The following ANKS1A variants were observed in gnomAD, a reference collection of about 807,000 sequenced individuals.
ANKS1A encodes the protein ankyrin repeat and sterile alpha motif domain containing 1A.
Under a neutral mutation model 120.3 loss-of-function variants are expected in ANKS1A, and 55 were observed. That is an observed-to-expected ratio of 0.46 (90% CI 0.37 to 0.57). The LOEUF (loss-of-function observed/expected upper bound fraction) is 0.57, where lower values mean the gene tolerates loss of function less well. Among genes scored for constraint, ANKS1A ranks in the 20% least tolerant of loss-of-function variants. The pLI, the probability that ANKS1A is intolerant of heterozygous loss-of-function variation, is 0.00. For missense variants in ANKS1A, 1,123 were observed against 1,480.3 expected, an observed-to-expected ratio of 0.76 and a Z score of 3.96; for synonymous variants, 590 against 604.7, an observed-to-expected ratio of 0.98 and a Z score of 0.36.
chr6:35,046,660 G>A (rs753686533), intron 11 of ANKS1A, among the ~76,000 whole-genome samples: 2 of 152,092 alleles, frequency 1.3e-5, no homozygotes, highest in African/African-American at 2.4e-5. Context: ...GTTATTTTTT[G>A]ATGCATTTCA....
chr6:34,975,369 G>T (rs547362375), intron 3 of ANKS1A, among the ~76,000 whole-genome samples: 1 of 151,654 alleles, frequency 6.6e-6, no homozygotes, highest in South Asian at 2.1e-4. Flanking sequence ...CAGGAGAATC[G>T]CTTGAACCCA....
intron 11 of ANKS1A, among the ~76,000 whole-genome samples, chr6:35,048,279 A>AGG (rs1775811674): frequency 6.6e-6 from 1 of 152,230 alleles, no homozygotes; most frequent in Non-Finnish European, 1.5e-5. Context: ...GGATTGAAGT[A>AGG]GGGGGACACA....
intron 13 of ANKS1A, among the ~76,000 whole-genome samples, chr6:35,074,269 A>G (rs1777228269): frequency 6.6e-6 from 1 of 152,222 alleles, no homozygotes. Context: ...GGCTCAGCTC[A>G]GCCGTTCGCT....
intron 11 of ANKS1A, among the ~76,000 whole-genome samples, chr6:35,035,429 TTAAA>T (rs199693028): frequency 1.3e-5 from 2 of 152,344 alleles, no homozygotes; most frequent in East Asian, 3.8e-4. Context: ...TATTTATATC[TTAAA>T]TAAGAATAAG....
intron 1 of ANKS1A, among the ~76,000 whole-genome samples, chr6:34,966,157 A>G: frequency 6.6e-6 from 1 of 152,190 alleles, no homozygotes; most frequent in Admixed American, 6.5e-5. Context: ...AGAACTTTAA[A>G]TCAGTCTCAA....
intron 11 of ANKS1A, among the ~76,000 whole-genome samples, chr6:35,049,785 C>T (rs995904294): frequency 2.0e-5 from 3 of 152,198 alleles, no homozygotes; most frequent in Non-Finnish European, 2.9e-5. Flanking sequence ...ACATATTGAC[C>T]AGACTGATTC....
intron 11 of ANKS1A, among the ~76,000 whole-genome samples, chr6:35,042,237 C>G (rs979592902): frequency 6.6e-6 from 1 of 152,092 alleles, no homozygotes; most frequent in African/African-American, 2.4e-5. Flanking sequence ...AAGAGGATAT[C>G]GACACAGGAA....
intron 15 of ANKS1A, 76 bp downstream of exon 15, chr6:35,079,744 G>A (rs1257755898): frequency 1.2e-6 from 2 of 1,611,724 alleles, no homozygotes; most frequent in Admixed American, 1.7e-5. Flanking sequence ...TGGCCCAGCG[G>A]AAGATGCTGG....
chr6:34,988,386 G>A (rs1476685532), intron 8 of ANKS1A, among the ~76,000 whole-genome samples: 1 of 152,208 alleles, frequency 6.6e-6, no homozygotes, highest in Non-Finnish European at 1.5e-5. Flanking sequence ...CACAAGGTCA[G>A]GAGATCCAGA....
chr6:34,976,446 C>G (rs993409174), intron 3 of ANKS1A, among the ~76,000 whole-genome samples: 2 of 152,116 alleles, frequency 1.3e-5, no homozygotes, highest in Non-Finnish European at 2.9e-5. Context: ...CATTTTCCCC[C>G]TCTTAACAAT....
At position 35,091,074 on chromosome 6, in the gene ANKS1A, G is replaced by T; in HGVS notation, c.*2465G>T. On this transcript the variant is annotated 3_prime_UTR_variant, in exon 24 of 24. Transcript: ENST00000360359. Reference sequence around the variant, plus strand: ...GTCTGTCTTTGAGATGCCCAGGCCAGCAGAAAGCAGCTCAGAAGTATTGTT... The same window carrying T: ...GTCTGTCTTTGAGATGCCCAGGCCATCAGAAAGCAGCTCAGAAGTATTGTT... The T allele has an allele frequency of 1.0e-6, 1 of 985,940 alleles. No individual in the cohort carries two copies. The highest frequency in any genetic ancestry group is 1.2e-6 in the Non-Finnish European group (1 of 829,962). 61.1% of individuals were successfully genotyped at this position (985,940 alleles called of 1,614,324 possible).
At position 35,086,652 on chromosome 6, in the gene ANKS1A, C is replaced by T. The variant is rs1343356853; in HGVS notation, c.3304-300C>T. ...TTGCAAGCCCCATATCCCCTTCCTG[C>T]CCAGTGTGAGTGGGTCTGGGGCTTA... On this transcript the variant is annotated intron_variant, in intron 22 of 23. Coordinates refer to ENST00000360359, the MANE Select transcript of ANKS1A (RefSeq NM_015245.3). This position sits in a 1 kb window ranked among gnomAD's most constrained non-coding sequence, Gnocchi z 5.1. Among the ~76,000 whole-genome samples, 1 of 152,146 alleles carries T rather than the reference C, an allele frequency of 6.6e-6. No homozygotes were observed. The highest frequency in any genetic ancestry group is 2.4e-5 in the African/African-American group (1 of 41,422).
intron 1 of ANKS1A, among the ~76,000 whole-genome samples, chr6:34,954,661 T>A (rs1770257546): frequency 1.3e-5 from 2 of 152,180 alleles, no homozygotes; most frequent in South Asian, 4.1e-4. Context: ...CAGAACATGC[T>A]TAAACACAAA....
intron 1 of ANKS1A, among the ~76,000 whole-genome samples, chr6:34,896,234 G>A (rs1346474393): frequency 2.0e-5 from 3 of 151,680 alleles, no homozygotes; most frequent in African/African-American, 7.3e-5. Flanking sequence ...TGCACCTGGC[G>A]AATATTTGTA....
chr6:34,954,038 G>C (rs932111798), intron 1 of ANKS1A, among the ~76,000 whole-genome samples: 7 of 152,158 alleles, frequency 4.6e-5, no homozygotes, highest in Admixed American at 2.0e-4. Flanking sequence ...GAGATATAAG[G>C]CTTGTTAAAA....
intron 10 of ANKS1A, among the ~76,000 whole-genome samples, chr6:35,013,850 A>G (rs1211024269): frequency 6.6e-6 from 1 of 152,260 alleles, no homozygotes; most frequent in Non-Finnish European, 1.5e-5. Context: ...TCCTTGTGAC[A>G]GACCTGTGAG....
At chr6:35,029,817 C>T (rs923335476) in intron 11 of ANKS1A, among the ~76,000 whole-genome samples, 2 of 147,820 alleles carry the variant, frequency 1.4e-5, no homozygotes, top group African/African-American at 4.9e-5. Context: ...TATTTGATTA[C>T]AAATCTATTT....
intron 1 of ANKS1A, among the ~76,000 whole-genome samples, chr6:34,950,988 C>T (rs1770067670): frequency 6.6e-6 from 1 of 152,192 alleles, no homozygotes; most frequent in Non-Finnish European, 1.5e-5. Flanking sequence ...TAATATATGC[C>T]TCACCTCCAG....
chr6:35,053,889 C>T (rs1432121734), intron 11 of ANKS1A, among the ~76,000 whole-genome samples: 2 of 152,212 alleles, frequency 1.3e-5, no homozygotes, highest in African/African-American at 2.4e-5. Context: ...TCACTCCCTT[C>T]AGAGCAGTAC....
Sources: gnomAD v4.1 joint callset for allele counts (sites outside exome capture counted in the v4.1 genomes callset) on GRCh38, gnomAD v4.1.1 for gene constraint, Gnocchi (gnomAD v3.1) non-coding constraint, MANE v1.5 for transcripts, NCBI Gene and HGNC (gene_info 2026-07-23, HGNC 2026-07-21) for gene names.